SHISAL2A: variants seen among roughly 807,000 people sequenced by gnomAD.
The protein encoded by SHISAL2A is shisa like 2A.
A neutral mutation model predicts 11.5 loss-of-function variants in SHISAL2A; 18 were observed. That is an observed-to-expected ratio of 1.57 (90% CI 1.08 to 2.33). The LOEUF (loss-of-function observed/expected upper bound fraction) is 2.33, where lower values mean the gene tolerates loss of function less well. Ranked by LOEUF, SHISAL2A falls within the 30% of genes most tolerant of loss-of-function variation. The pLI, the probability that SHISAL2A is intolerant of heterozygous loss-of-function variation, is 0.00. For synonymous variants in SHISAL2A, 94 were observed against 99.6 expected (o/e 0.94, Z 0.34); for missense variants, 261 against 250.9 (o/e 1.04, Z -0.27).
chr1:52,660,563 G>A (rs114435090), downstream of SHISAL2A, among the ~76,000 whole-genome samples: 630 of 152,268 alleles, frequency 4.1e-3, 6 homozygotes, highest in African/African-American at 0.014. Context: ...TTGCTTTCCC[G>A]GTTATGTTCA....
chr1:52,663,598 T>A (rs1691948815), intron 4 of SHISAL2A, among the ~76,000 whole-genome samples: 1 of 151,824 alleles, frequency 6.6e-6, no homozygotes, highest in Non-Finnish European at 1.5e-5. Context: ...CCGTCTCTAC[T>A]AAATATACAA....
upstream of SHISAL2A, among the ~76,000 whole-genome samples, chr1:52,633,107 G>T (rs542208689): frequency 4.6e-5 from 7 of 152,284 alleles, no homozygotes; most frequent in Admixed American, 1.3e-4. This position sits in a 1 kb window ranked among gnomAD's most constrained non-coding sequence, Gnocchi z 6.4. Context: ...CTGTCGTTGC[G>T]CACCCAGCGC....
chr1:52,640,385 A>G (rs554870), intron 1 of SHISAL2A, among the ~76,000 whole-genome samples: 51,226 of 151,954 alleles, frequency 0.34, 11,576 homozygotes, highest in African/African-American at 0.62. Flanking sequence ...GTTCCATAAC[A>G]CCTGACACAT....
rs539659711 is a variant in SHISAL2A at position 52,633,607 on chromosome 1, C to T, written c.114C>T (p.Asp38=). 2.7e-4 allele frequency: 438 copies of T among 1,612,692 alleles called. 3 individuals are homozygous for T. The East Asian group carries it at 8.3e-3, about 31-fold the overall frequency. Residue 38 remains aspartate, a synonymous_variant, in exon 1 of 3, where the codon GAC becomes GAT. Transcript: ENST00000517870. This position sits in a 1 kb window ranked among gnomAD's most constrained non-coding sequence, Gnocchi z 6.4. The part of the protein sequence containing the change: ...AAAVFCCGFR[D]HKYCCDDPHS... Reference sequence around the variant, plus strand: ...CTGTCTTCTGCTGCGGCTTCCGCGACCACAAGTACTGCTGCGACGACCCGC... The same window carrying T: ...CTGTCTTCTGCTGCGGCTTCCGCGATCACAAGTACTGCTGCGACGACCCGC...
At position 52,656,927 on chromosome 1, in the gene SHISAL2A, T is replaced by C. The variant is rs577780949; in HGVS notation, c.460T>C (p.Ser154Pro). 1.2e-6 allele frequency: 2 copies of C among 1,614,116 alleles called. No individual in the cohort carries two copies. The highest frequency in any genetic ancestry group is 4.5e-5 in the East Asian group (2 of 44,880). The change falls in exon 3 of 3, where the codon TCC (serine) becomes CCC (proline). Residue 154 changes from serine to proline, a missense_variant. Physicochemically the swap from Ser to Pro is moderately conservative, Grantham distance 74. Coordinates refer to ENST00000517870, the MANE Select transcript of SHISAL2A (RefSeq NM_001042693.3). The part of the protein sequence containing the change: ...LESNEGQAVN[S>P]KRLLHHCFMA... ...GAGCAATGAGGGGCAGGCTGTGAAC[T>C]CCAAACGCCTCCTCCATCATTGCTT...
chr1:52,657,778 C>T (rs906737343), downstream of SHISAL2A, among the ~76,000 whole-genome samples: 27 of 152,086 alleles, frequency 1.8e-4, no homozygotes, highest in African/African-American at 6.5e-4. Context: ...TCAGTTGAGC[C>T]CTGGAGGTCG....
intron 2 of SHISAL2A, among the ~76,000 whole-genome samples, chr1:52,643,726 G>A (rs916925804): frequency 5.3e-5 from 8 of 152,116 alleles, no homozygotes; most frequent in Non-Finnish European, 2.9e-5. Flanking sequence ...GGTGGCAGGC[G>A]CCTATAATCC....
downstream of SHISAL2A, among the ~76,000 whole-genome samples, chr1:52,658,558 T>C (rs1313367127): frequency 6.6e-6 from 1 of 152,236 alleles, no homozygotes; most frequent in Non-Finnish European, 1.5e-5. Context: ...TAGTATCTTC[T>C]AATAGGGCTT....
At chr1:52,665,605 C>T (rs1315872794) in intron 4 of SHISAL2A, among the ~76,000 whole-genome samples, 2 of 152,152 alleles carry the variant, frequency 1.3e-5, no homozygotes, top group Non-Finnish European at 2.9e-5. Flanking sequence ...CGAATTAAGC[C>T]ACTTTGCCAA....
At chr1:52,652,002 G>GT (rs1235594942) in intron 2 of SHISAL2A, among the ~76,000 whole-genome samples, 1 of 152,246 alleles carries the variant, frequency 6.6e-6, no homozygotes, top group African/African-American at 2.4e-5. Context: ...CCAAGGTCTT[G>GT]TAACTCCTGG....
downstream of SHISAL2A, among the ~76,000 whole-genome samples, chr1:52,658,212 G>A (rs1390742955): frequency 1.3e-5 from 2 of 152,032 alleles, no homozygotes; most frequent in Non-Finnish European, 2.9e-5. Context: ...GCTAATTTTT[G>A]TATTTTTAGT....
intron 2 of SHISAL2A, among the ~76,000 whole-genome samples, chr1:52,654,270 T>TAGATAGACAGACAGAC (rs1691741931): frequency 8.3e-6 from 1 of 121,142 alleles, no homozygotes; most frequent in African/African-American, 3.0e-5. Flanking sequence ...GACAGATAGA[T>TAGATAGACAGACAGAC]AGATAGATAG....
chr1:52,658,329 C>G (rs1256905256), downstream of SHISAL2A, among the ~76,000 whole-genome samples: 1 of 152,184 alleles, frequency 6.6e-6, no homozygotes, highest in Non-Finnish European at 1.5e-5. Context: ...TGTGAGCCAC[C>G]ACACCTGGCC....
At chr1:52,654,378 A>G (rs1691744120) in intron 2 of SHISAL2A, among the ~76,000 whole-genome samples, 2 of 152,320 alleles carry the variant, frequency 1.3e-5, no homozygotes, top group Non-Finnish European at 2.9e-5. Context: ...AAATCACACT[A>G]CTCAATTTTA....
intron 1 of SHISAL2A, chr1:52,640,156 A>G (rs995350630): frequency 5.9e-5 from 9 of 152,170 alleles, no homozygotes; most frequent in Non-Finnish European, 1.2e-4. Context: ...GAGATGTCCA[A>G]TAATTTATTT....
At chr1:52,634,202 C>G (rs2149870491) in intron 1 of SHISAL2A, among the ~76,000 whole-genome samples, 1 of 152,268 alleles carries the variant, frequency 6.6e-6, no homozygotes, top group Admixed American at 6.5e-5. Context: ...TCTCCCACAT[C>G]CTGACTCCAA....
chr1:52,654,228 G>GATAA (rs1691738667), intron 2 of SHISAL2A, among the ~76,000 whole-genome samples: 1 of 139,036 alleles, frequency 7.2e-6, no homozygotes, highest in Non-Finnish European at 1.5e-5. Flanking sequence ...CAGTTTTATA[G>GATAA]ATAGATAGAT....
chr1:52,650,725 A>G (rs1186958628), intron 2 of SHISAL2A, among the ~76,000 whole-genome samples: 1 of 146,652 alleles, frequency 6.8e-6, no homozygotes, highest in Non-Finnish European at 1.5e-5. Flanking sequence ...GCTCACTGCA[A>G]CCTTCGCCTC....
chr1:52,662,042 A>G (rs889153833), downstream of SHISAL2A, among the ~76,000 whole-genome samples: 7 of 152,050 alleles, frequency 4.6e-5, no homozygotes, highest in African/African-American at 1.7e-4. Flanking sequence ...CAAAAAAAAA[A>G]AAATAATAAT....
Sources: allele counts gnomAD v4.1 joint callset (sites outside exome capture counted in the v4.1 genomes callset), GRCh38; gene constraint gnomAD v4.1.1; non-coding constraint Gnocchi (gnomAD v3.1); transcripts MANE v1.5; gene names NCBI Gene and HGNC (gene_info 2026-07-23, HGNC 2026-07-21).